SRFBP1: variants seen among roughly 807,000 people sequenced by gnomAD.
The protein encoded by SRFBP1 is serum response factor-binding protein 1.
A neutral mutation model predicts 45.5 loss-of-function variants in SRFBP1; 47 were observed. That is an observed-to-expected ratio of 1.03 (90% confidence interval 0.82 to 1.32). SRFBP1 has a LOEUF of 1.32. Among genes scored for constraint, SRFBP1 ranks in the 40% most tolerant of loss-of-function variants. The probability of loss-of-function intolerance (pLI) is 0.00; values close to 1 mark genes in which losing one functional copy is unlikely to be tolerated. For synonymous variants in SRFBP1, 203 were observed against 166.3 expected (o/e 1.22, Z -1.70); for missense variants, 621 against 484.6 (o/e 1.28, Z -2.64).
rs752742376 is a variant in SRFBP1, at chr5:122,074,184, A to C, written n.312-1131A>C. ...TGTGGTAATGTCTGATGTCCCACAA[A>C]ACAAAAAGATGGTGGTCAGTTACAT... On this transcript the variant is annotated intron_variant and non_coding_transcript_variant, in intron 2 of 2. Transcript: ENST00000504881. 3 of 1,606,708 alleles carry C rather than the reference A, an allele frequency of 1.9e-6. No individual in the cohort carries two copies. Among genetic ancestry groups the C allele is most frequent in the Non-Finnish European group, 1.7e-6 (2 of 1,173,944 alleles).
At chr5:121,993,518 T>C (rs916283976) in intron 3 of SRFBP1, among the ~76,000 whole-genome samples, 1 of 152,138 alleles carries the variant, frequency 6.6e-6, no homozygotes, top group Non-Finnish European at 1.5e-5. Context: ...AAGATGATGA[T>C]CTAATAAAGG....
intron 1 of SRFBP1, among the ~76,000 whole-genome samples, chr5:121,963,813 GA>G (rs986247799): frequency 6.6e-6 from 1 of 151,544 alleles, no homozygotes; most frequent in East Asian, 1.9e-4. Context: ...AAAAAGGACA[GA>G]AAAAAGTGGA....
chr5:122,046,982 C>T (rs991424302), intron 2 of SRFBP1, among the ~76,000 whole-genome samples: 3 of 152,132 alleles, frequency 2.0e-5, no homozygotes, highest in African/African-American at 7.2e-5. Flanking sequence ...GACATTTTCT[C>T]CCATTCTGTA....
At chr5:122,013,243 A>G (rs1023895601) in intron 4 of SRFBP1, among the ~76,000 whole-genome samples, 1 of 152,000 alleles carries the variant, frequency 6.6e-6, no homozygotes, top group African/African-American at 2.4e-5. Context: ...TAACTCTAAC[A>G]TTTTTCATAT....
intron 4 of SRFBP1, among the ~76,000 whole-genome samples, chr5:122,008,395 T>C (rs1311324215): frequency 3.3e-5 from 5 of 152,068 alleles, no homozygotes; most frequent in African/African-American, 1.2e-4. Context: ...ACCTTCTTGG[T>C]GCTGGTTTTA....
chr5:122,035,048 T>TC (rs989054963), intron 2 of SRFBP1, among the ~76,000 whole-genome samples: 1 of 149,436 alleles, frequency 6.7e-6, no homozygotes, highest in African/African-American at 2.6e-5. Context: ...GTTTTTTTTT[T>TC]GTTGTTGTTG....
In SRFBP1 at chr5:122,020,784, G is replaced by A. The variant is rs1016449072; in HGVS notation, c.1049G>A (p.Gly350Glu). The A allele has an allele frequency of 1.3e-6, 2 of 1,568,462 alleles. No individual in the cohort carries two copies. Among genetic ancestry groups the A allele is most frequent in the African/African-American group, 2.8e-5 (2 of 72,424 alleles). Residue 350 changes from glycine to glutamate, a missense_variant, in exon 6 of 8, where the codon GGA becomes GAA. Physicochemically the swap from Gly to Glu is moderately conservative, Grantham distance 98 (BLOSUM62 -2). Transcript: ENST00000339397. ...LESVFFHSLS[G>E]SKSSRRNFKE... ...TCAGTGTTTTTCCACTCTTTATCTG[G>A]ATCTAAAAGCTCTAGAAGGTAAGAT... is the stretch of plus-strand genomic sequence containing the variant.
Position 122,005,295 on chromosome 5 carries a change from G to A in SRFBP1, c.270+10625G>A, listed in dbSNP as rs188580340. Among the ~76,000 whole-genome samples the A allele has an allele frequency of 1.2e-3, 180 of 152,156 alleles. 1 individual carries two copies. Among genetic ancestry groups the A allele is most frequent in the African/African-American group, 4.1e-3 (169 of 41,524 alleles). On this transcript the variant is annotated intron_variant, in intron 4 of 7. Transcript: ENST00000339397. The stretch of plus-strand genomic sequence containing the variant: ...ACAATCTGTCTCTTCCTTCAGCTCC[G>A]TTAACATTTGCTTTATGTATTTGGG...
At chr5:122,033,723 C>A (rs868631060) in intron 2 of SRFBP1, among the ~76,000 whole-genome samples, 1 of 150,330 alleles carries the variant, frequency 6.7e-6, no homozygotes, top group African/African-American at 2.5e-5. Flanking sequence ...ACTCCCAGAG[C>A]GCTGGGATTA....
At chr5:122,038,780 G>C (rs887465684) in intron 2 of SRFBP1, among the ~76,000 whole-genome samples, 2 of 152,184 alleles carry the variant, frequency 1.3e-5, no homozygotes, top group African/African-American at 4.8e-5. Flanking sequence ...AAAAACTATA[G>C]TCATTTGCCT....
intron 4 of SRFBP1, among the ~76,000 whole-genome samples, chr5:122,011,141 A>G (rs1426868566): frequency 6.6e-6 from 1 of 152,068 alleles, no homozygotes; most frequent in Non-Finnish European, 1.5e-5. Context: ...TTCTACCTCC[A>G]CCAGTTTATT....
chr5:121,995,371 C>T (rs142435931), intron 4 of SRFBP1, among the ~76,000 whole-genome samples: 6,743 of 152,132 alleles, frequency 0.044, 176 homozygotes, highest in African/African-American at 0.06. Flanking sequence ...CACTCAAAGC[C>T]GCTCAACTAC....
At chr5:122,059,914 G>A (rs967046478) in intron 2 of SRFBP1, among the ~76,000 whole-genome samples, 10 of 152,086 alleles carry the variant, frequency 6.6e-5, no homozygotes, top group African/African-American at 2.4e-4. Flanking sequence ...AATTGTAGAA[G>A]CAAAAGCTTG....
At chr5:122,000,829 A>G (rs894964568) in intron 4 of SRFBP1, among the ~76,000 whole-genome samples, 3 of 152,122 alleles carry the variant, frequency 2.0e-5, no homozygotes, top group African/African-American at 4.8e-5. Flanking sequence ...TTTTAGAAGA[A>G]AAGAAACCAG....
At chr5:122,075,534 A>C in exon 3 of SRFBP1, 1 of 1,588,798 alleles carries the variant, frequency 6.3e-7, no homozygotes, top group East Asian at 2.2e-5. Context: ...TCTGCCCTGT[A>C]TGCTGTACTG....
intron 1 of SRFBP1, among the ~76,000 whole-genome samples, chr5:121,962,360 A>G (rs1169478952): frequency 6.6e-6 from 1 of 152,210 alleles, no homozygotes; most frequent in African/African-American, 2.4e-5. Flanking sequence ...AACTCAAGAT[A>G]GTTCGTCCCA....
intron 7 of SRFBP1, among the ~76,000 whole-genome samples, chr5:122,022,833 G>A (rs1052448047): frequency 1.3e-5 from 2 of 152,066 alleles, no homozygotes; most frequent in Non-Finnish European, 2.9e-5. Context: ...CATGTATTTG[G>A]GTAGAGTGAC....
At chr5:122,044,956 T>C (rs1753832125) in intron 2 of SRFBP1, among the ~76,000 whole-genome samples, 1 of 152,174 alleles carries the variant, frequency 6.6e-6, no homozygotes, top group Admixed American at 6.5e-5. Context: ...AGAATGGTAT[T>C]TTCTGGGTTG....
At chr5:121,996,807 T>G (rs1418687209) in intron 4 of SRFBP1, among the ~76,000 whole-genome samples, 53 of 136,064 alleles carry the variant, frequency 3.9e-4, no homozygotes, top group Non-Finnish European at 6.9e-4. Flanking sequence ...ATAAGCAACT[T>G]CAGCAAAGTC....
Sources: allele counts gnomAD v4.1 joint callset (sites outside exome capture counted in the v4.1 genomes callset), GRCh38; gene constraint gnomAD v4.1.1; transcripts MANE v1.5; gene names NCBI Gene and HGNC (gene_info 2026-07-23, HGNC 2026-07-21).